The following ATP10B variants were observed in gnomAD, a reference collection of about 807,000 sequenced individuals.
ATP10B encodes the protein phospholipid-transporting ATPase VB.
A neutral mutation model predicts 141.2 loss-of-function variants in ATP10B; 122 were observed. The observed-to-expected ratio is 0.86, with a 90% CI of 0.75 to 1.00. ATP10B has a LOEUF of 1.00. ATP10B is among the 50% of genes least tolerant of loss of function. ATP10B has a pLI of 0.00. For missense variants in ATP10B, 1,876 were observed against 1,825.3 expected, an observed-to-expected ratio of 1.03 and a Z score of -0.51; for synonymous variants, 685 against 692.0, an observed-to-expected ratio of 0.99 and a Z score of 0.16.
At chr5:160,736,114 A>C (rs1366011502) in intron 2 of ATP10B, among the ~76,000 whole-genome samples, 1 of 152,178 alleles carries the variant, frequency 6.6e-6, no homozygotes, top group Non-Finnish European at 1.5e-5. Context: ...AAATTAGTCG[A>C]AGAAAAGAAA....
At chr5:160,668,535 A>G (rs976694591) in intron 7 of ATP10B, among the ~76,000 whole-genome samples, 1 of 152,154 alleles carries the variant, frequency 6.6e-6, no homozygotes, top group Non-Finnish European at 1.5e-5. Context: ...GCCTTTTTGC[A>G]AACACTAGGG....
Position 160,620,882 on chromosome 5 carries a change from C to T in ATP10B, c.1881G>A (p.Lys627=). 6.2e-7 allele frequency: 1 copy of T among 1,614,208 alleles called. No individual in the cohort carries two copies. Among genetic ancestry groups the T allele is most frequent in the Non-Finnish European group, 8.5e-7 (1 of 1,180,036 alleles). The change falls in exon 15 of 26, where the codon AAG becomes AAA. Residue 627 remains lysine (K), a synonymous_variant. Transcript: ENST00000327245. The part of the protein sequence containing the change: ...SLEKIQQLFQ[K]LKLLSLSQSF... ...ACTGGCTGAGGCTCAATAGCTTCAA[C>T]TTCTGGAAGAGCTGCTGAATCTTCT...
intron 3 of ATP10B, 36 bp from the exon 4 acceptor site, chr5:160,688,979 C>T (rs1450088186): frequency 3.1e-6 from 3 of 979,858 alleles, no homozygotes; most frequent in African/African-American, 3.5e-5. Flanking sequence ...GATGGTCTGC[C>T]CAGGTGGCAA....
At chr5:160,754,185 T>C (rs1005001724) in intron 2 of ATP10B, among the ~76,000 whole-genome samples, 2 of 152,162 alleles carry the variant, frequency 1.3e-5, no homozygotes, top group South Asian at 2.1e-4. Context: ...TATACAGACA[T>C]AGAGAAAGCT....
chr5:160,827,219 T>C (rs1053659461), intron 1 of ATP10B, among the ~76,000 whole-genome samples: 1 of 152,212 alleles, frequency 6.6e-6, no homozygotes, highest in Non-Finnish European at 1.5e-5. Context: ...TTGTACTCTT[T>C]ATTTCTCAGC....
intron 2 of ATP10B, among the ~76,000 whole-genome samples, chr5:160,735,024 T>C (rs966779244): frequency 6.9e-6 from 1 of 144,652 alleles, no homozygotes; most frequent in Admixed American, 6.8e-5. Context: ...AGCAAGAAAC[T>C]AAATAATATC....
At position 160,620,925 on chromosome 5, in the gene ATP10B, G is replaced by A. The variant is rs1758310771; in HGVS notation, c.1838C>T (p.Ala613Val). The A allele has an allele frequency of 2.5e-6, 4 of 1,613,812 alleles. No individual in the cohort carries two copies. Among genetic ancestry groups the A allele is most frequent in the Non-Finnish European group, 3.4e-6 (4 of 1,179,836 alleles). ...QRVTIKPSSK[A>V]LGTSLEKIQQ... is the part of the protein sequence containing the mutation. ...AATCTTCTCCAGGGACGTCCCCAGAGCCTTGCTTGAGGGTTTGATGGTGAC... is the reference window on the plus strand; with the variant it reads ...AATCTTCTCCAGGGACGTCCCCAGAACCTTGCTTGAGGGTTTGATGGTGAC... Residue 613 changes from alanine (A) to valine (V), a missense_variant, in exon 15 of 26, where the codon GCT (alanine) becomes GTT (valine). By Grantham distance (64) the Ala-to-Val change is moderately conservative. Coordinates refer to ENST00000327245, the MANE Select transcript of ATP10B (RefSeq NM_025153.3).
intron 2 of ATP10B, among the ~76,000 whole-genome samples, chr5:160,775,135 G>A (rs568098176): frequency 1.3e-4 from 20 of 152,318 alleles, no homozygotes; most frequent in African/African-American, 3.8e-4. Context: ...AGCCGTGGCC[G>A]TGTTTATCAG....
At chr5:160,766,884 A>G (rs187468273) in intron 2 of ATP10B, among the ~76,000 whole-genome samples, 6 of 152,242 alleles carry the variant, frequency 3.9e-5, no homozygotes, top group Admixed American at 3.9e-4. Flanking sequence ...CAATGGTGCT[A>G]TTTCACACAC....
intron 7 of ATP10B, among the ~76,000 whole-genome samples, chr5:160,667,191 T>C (rs950713889): frequency 2.0e-5 from 3 of 151,950 alleles, no homozygotes; most frequent in Admixed American, 6.6e-5. Flanking sequence ...GCACTCCAGC[T>C]TGGGCGACAG....
In ATP10B at chr5:160,836,609, A is replaced by T. The variant is rs371125617; in HGVS notation, c.-576+15332T>A. On this transcript the variant is annotated intron_variant, in intron 1 of 25. Transcript: ENST00000327245. ...TACTGAATAATACCCTCGGTGAACT[A>T]CTTGCAAACTATCTTTGCTTCCTTA... is the stretch of plus-strand genomic sequence containing the variant. Among the ~76,000 whole-genome samples, 11 of 152,196 alleles carry T rather than the reference A, an allele frequency of 7.2e-5. No homozygotes were observed. The South Asian group carries it at 2.3e-3, about 32-fold the overall frequency.
intron 1 of ATP10B, among the ~76,000 whole-genome samples, chr5:160,826,928 T>A (rs936535667): frequency 6.6e-6 from 1 of 152,194 alleles, no homozygotes; most frequent in Non-Finnish European, 1.5e-5. Context: ...CCCTGTTTTC[T>A]GTTAAGATGT....
chr5:160,828,082 CG>C (rs1774769185), intron 1 of ATP10B, among the ~76,000 whole-genome samples: 1 of 152,070 alleles, frequency 6.6e-6, no homozygotes, highest in South Asian at 2.1e-4. Context: ...AAGACTTACA[CG>C]TTAGACCTAA....
rs1052751313 is a variant in ATP10B, at chr5:160,803,191, G to A, written c.-575-17388C>T. The stretch of plus-strand genomic sequence containing the variant: ...GTTTTTTTCCTTTTTGTTGAAGGAG[G>A]ATGTTGTCATCAACTGTTTAGGTTG... On this transcript the variant is annotated intron_variant, in intron 1 of 25. Coordinates refer to ENST00000327245, the MANE Select transcript of ATP10B (RefSeq NM_025153.3). 3.3e-5 allele frequency among the ~76,000 whole-genome samples: 5 copies of A among 152,126 alleles called. 1 individual carries two copies. The highest frequency in any genetic ancestry group is 4.4e-5 in the Non-Finnish European group (3 of 68,034).
chr5:160,657,779 G>A (rs1416760448), intron 7 of ATP10B, among the ~76,000 whole-genome samples: 3 of 152,126 alleles, frequency 2.0e-5, no homozygotes, highest in African/African-American at 7.2e-5. Context: ...GCATGCAGTC[G>A]CACCCTGTAT....
chr5:160,640,249 CAAAT>C (rs1561682893), intron 10 of ATP10B, among the ~76,000 whole-genome samples: 1 of 152,158 alleles, frequency 6.6e-6, no homozygotes, highest in East Asian at 1.9e-4. Context: ...ATTTCTTGAC[CAAAT>C]AAATATCAGA....
chr5:160,767,026 C>G (rs951673442), intron 2 of ATP10B, among the ~76,000 whole-genome samples: 2 of 151,750 alleles, frequency 1.3e-5, no homozygotes, highest in Non-Finnish European at 2.9e-5. Context: ...GATGTCAAAT[C>G]TTTTGGCTTC....
chr5:160,671,285 T>G (rs1391411081), intron 6 of ATP10B, among the ~76,000 whole-genome samples: 2 of 152,094 alleles, frequency 1.3e-5, no homozygotes, highest in African/African-American at 4.8e-5. Context: ...CCTTGCTTCC[T>G]TAAAAGATAA....
chr5:160,781,763 A>C (rs1023763807), intron 2 of ATP10B, among the ~76,000 whole-genome samples: 12 of 152,178 alleles, frequency 7.9e-5, no homozygotes, highest in African/African-American at 2.9e-4. Flanking sequence ...TCATAATTGC[A>C]CAGCAACCTA....
Sources: allele counts gnomAD v4.1 joint callset (sites outside exome capture counted in the v4.1 genomes callset), GRCh38; gene constraint gnomAD v4.1.1; transcripts MANE v1.5; gene names NCBI Gene and HGNC (gene_info 2026-07-23, HGNC 2026-07-21).